The following CLSTN2 variants were observed in gnomAD, a reference collection of about 807,000 sequenced individuals.
CLSTN2 encodes the protein calsyntenin-2.
Under a neutral mutation model 101.2 loss-of-function variants are expected in CLSTN2, and 48 were observed. The ratio of observed to expected loss-of-function variants is 0.47; its 90% CI spans 0.38 to 0.60. The LOEUF is 0.60. CLSTN2 is among the 20% of genes least tolerant of loss of function. The pLI is 0.00. For missense variants in CLSTN2, 1,160 were observed against 1,238.2 expected, an observed-to-expected ratio of 0.94 and a Z score of 0.95; for synonymous variants, 481 against 463.6, an observed-to-expected ratio of 1.04 and a Z score of -0.48.
At chr3:140,045,167 T>G (rs2007849145) in intron 1 of CLSTN2, among the ~76,000 whole-genome samples, 1 of 152,196 alleles carries the variant, frequency 6.6e-6, no homozygotes, top group South Asian at 2.1e-4. Context: ...TCCTGGACTT[T>G]TTTTGGTTGG....
At chr3:140,242,521 GC>G (rs2086478823) in intron 2 of CLSTN2, among the ~76,000 whole-genome samples, 1 of 152,124 alleles carries the variant, frequency 6.6e-6, no homozygotes, top group African/African-American at 2.4e-5. Context: ...GCCTCCCAGA[GC>G]CCAAGGAAGT....
At position 140,357,099 on chromosome 3, in the gene CLSTN2, G is replaced by A. The variant is rs113445908; in HGVS notation, c.233-46530G>A. On this transcript the variant is annotated intron_variant, in intron 2 of 16. Transcript: ENST00000458420. ...ACCATGTAACCATTGTGAGTCTTGA[G>A]CAAGTCCCCTCTCTTGAACCTCAAT... is the stretch of plus-strand genomic sequence containing the variant. Among the ~76,000 whole-genome samples, 266 of 152,286 alleles carry A rather than the reference G, an allele frequency of 1.7e-3. 1 individual carries two copies. Among genetic ancestry groups the A allele is most frequent in the African/African-American group, 5.8e-3 (242 of 41,554 alleles).
intron 1 of CLSTN2, among the ~76,000 whole-genome samples, chr3:140,172,264 C>T (rs1247038313): frequency 1.3e-5 from 2 of 152,048 alleles, no homozygotes; most frequent in Non-Finnish European, 2.9e-5. Context: ...AACCAAGTAG[C>T]TCACAGTTAA....
chr3:140,560,152 T>G (rs763010325), intron 12 of CLSTN2, among the ~76,000 whole-genome samples: 1 of 152,234 alleles, frequency 6.6e-6, no homozygotes. Context: ...CATAGCCAAG[T>G]GTCCAAGCGC....
intron 2 of CLSTN2, among the ~76,000 whole-genome samples, chr3:140,307,365 C>T (rs541502634): frequency 2.7e-4 from 41 of 152,194 alleles, no homozygotes; most frequent in Non-Finnish European, 4.9e-4. Context: ...GCCCTTCCTC[C>T]TGGGCACTCC....
chr3:140,164,062 A>G (rs2010092882), intron 1 of CLSTN2, among the ~76,000 whole-genome samples: 1 of 152,204 alleles, frequency 6.6e-6, no homozygotes, highest in Non-Finnish European at 1.5e-5. Context: ...TGCACACTTC[A>G]GTCCAATAAT....
chr3:140,195,942 C>T (rs2010637500), intron 2 of CLSTN2, among the ~76,000 whole-genome samples: 1 of 152,214 alleles, frequency 6.6e-6, no homozygotes. Context: ...AAGGACTTCT[C>T]ACTATGGAGC....
rs1316088165 is a variant in CLSTN2, at chr3:140,568,342, GAGA to G, written c.*2095_*2097del. ...AAATGAAGAGGAAGAGAAGTCACAAGAGAAGAAGGATGCGGTCACAAACTTAAC... is the reference window on the plus strand; with the variant it reads ...AAATGAAGAGGAAGAGAAGTCACAAGAGAAGGATGCGGTCACAAACTTAAC... On this transcript the variant is annotated 3_prime_UTR_variant, in exon 17 of 17. Transcript: ENST00000458420. The G allele has an allele frequency of 6.6e-6, 1 of 152,210 alleles. No individual in the cohort carries two copies. The highest frequency in any genetic ancestry group is 1.9e-4 in the East Asian group (1 of 5,196). 9.4% of individuals were successfully genotyped at this position (152,210 alleles called of 1,614,324 possible). A position where few individuals can be genotyped will look rare whatever the true frequency, so the allele number is the denominator to read the frequency against.
chr3:140,434,525 G>A (rs1210276758), intron 5 of CLSTN2, among the ~76,000 whole-genome samples: 1 of 152,176 alleles, frequency 6.6e-6, no homozygotes. Context: ...CAAAGCCTAG[G>A]GTCTGTGAGA....
chr3:140,560,683 A>G (rs1935893297), intron 12 of CLSTN2, among the ~76,000 whole-genome samples: 1 of 152,150 alleles, frequency 6.6e-6, no homozygotes, highest in Admixed American at 6.5e-5. Flanking sequence ...TGCAGATGGA[A>G]GATAATACCC....
chr3:140,068,145 GGAGGCA>G (rs1411358542), intron 1 of CLSTN2, among the ~76,000 whole-genome samples: 1 of 152,234 alleles, frequency 6.6e-6, no homozygotes, highest in Non-Finnish European at 1.5e-5. Context: ...CAGTTTTGAA[GGAGGCA>G]GAGTTTTCCC....
intron 6 of CLSTN2, chr3:140,452,339 T>G (rs1004788719): frequency 4.6e-5 from 7 of 152,270 alleles, no homozygotes; most frequent in African/African-American, 1.7e-4. Context: ...AAGCCTTCAC[T>G]CACATTCTCC....
Position 140,105,126 on chromosome 3 carries a change from A to G in CLSTN2, c.110-70825A>G, listed in dbSNP as rs1450601911. ...TGACTAACAGCAGGTAAGAATTGTG[A>G]GAGAGCAACAAGTTTATCAAGAGAC... is the stretch of plus-strand genomic sequence containing the variant. On this transcript the variant is annotated intron_variant, in intron 1 of 16. Transcript: ENST00000458420. Among the ~76,000 whole-genome samples the G allele has an allele frequency of 3.9e-5, 6 of 152,254 alleles. No individual in the cohort carries two copies. In the East Asian group the frequency reaches 1.2e-3, roughly 29 times the overall value.
intron 1 of CLSTN2, among the ~76,000 whole-genome samples, chr3:140,142,777 A>G (rs971325179): frequency 1.3e-5 from 2 of 152,194 alleles, no homozygotes; most frequent in African/African-American, 4.8e-5. Flanking sequence ...GCCCATTGTG[A>G]TCTAAAGTGA....
intron 2 of CLSTN2, among the ~76,000 whole-genome samples, chr3:140,255,195 G>A (rs1432629557): frequency 2.0e-5 from 3 of 152,194 alleles, no homozygotes. Context: ...CTTATACGCT[G>A]CTGGTGGGAA....
intron 4 of CLSTN2, among the ~76,000 whole-genome samples, chr3:140,419,451 C>T (rs1167304664): frequency 7.6e-6 from 1 of 131,172 alleles, no homozygotes; most frequent in Middle Eastern, 3.5e-3. Context: ...CCACTGAACT[C>T]CAGCCTGGGT....
At chr3:139,981,831 A>T (rs1427292233) in intron 1 of CLSTN2, among the ~76,000 whole-genome samples, 1 of 152,190 alleles carries the variant, frequency 6.6e-6, no homozygotes, top group East Asian at 1.9e-4. Flanking sequence ...TTCGTGCTAC[A>T]ATGTAAGCAA....
At chr3:140,316,543 G>A (rs2087233358) in intron 2 of CLSTN2, among the ~76,000 whole-genome samples, 1 of 151,950 alleles carries the variant, frequency 6.6e-6, no homozygotes, top group Non-Finnish European at 1.5e-5. Context: ...CTTGGTGTCT[G>A]TGTCATTGTT....
intron 2 of CLSTN2, among the ~76,000 whole-genome samples, chr3:140,329,120 C>T (rs952531767): frequency 2.6e-5 from 4 of 152,300 alleles, no homozygotes; most frequent in East Asian, 3.9e-4. Flanking sequence ...GGCATGGTGG[C>T]TTATGCCTGT....
Sources: allele counts gnomAD v4.1 joint callset (sites outside exome capture counted in the v4.1 genomes callset), GRCh38; gene constraint gnomAD v4.1.1; transcripts MANE v1.5; gene names NCBI Gene and HGNC (gene_info 2026-07-23, HGNC 2026-07-21).